The following CCDC144A variants were observed in gnomAD, a reference collection of about 807,000 sequenced individuals.
CCDC144A encodes the protein coiled-coil domain-containing protein 144A.
In CCDC144A, 41 loss-of-function variants were observed where a neutral mutation model predicts 143.8. The observed-to-expected ratio is 0.29, with a 90% confidence interval of 0.22 to 0.37. The LOEUF is 0.37. Among genes scored for constraint, CCDC144A ranks in the 10% least tolerant of loss-of-function variants. The pLI, the probability that CCDC144A is intolerant of heterozygous loss-of-function variation, is 1.00. For synonymous variants in CCDC144A, 242 were observed against 517.9 expected (o/e 0.47, Z 7.23); for missense variants, 637 against 1,488.8 (o/e 0.43, Z 9.41).
the CCDC144A span, among the ~76,000 whole-genome samples, chr17:16,677,015 A>G: frequency 6.6e-6 from 1 of 152,128 alleles, no homozygotes; most frequent in East Asian, 1.9e-4. Context: ...CCAGGAATAT[A>G]CATTGAAAAA....
chr17:16,761,386 C>CCTT (rs1915360477), intron 12 of CCDC144A, 39 bp from the exon 13 acceptor site: 1 of 1,575,292 alleles, frequency 6.3e-7, no homozygotes, highest in African/African-American at 1.4e-5. Context: ...TCTCAGTCTA[C>CCTT]CTTCTTCATT....
intron 8 of CCDC144A, among the ~76,000 whole-genome samples, chr17:16,723,588 C>T (rs1253728219): frequency 6.6e-6 from 1 of 152,130 alleles, no homozygotes; most frequent in Non-Finnish European, 1.5e-5. Context: ...GATCTAGGTG[C>T]TGGCAGATTT....
intron 12 of CCDC144A, among the ~76,000 whole-genome samples, chr17:16,743,687 C>T (rs1450291996): frequency 6.6e-6 from 1 of 152,000 alleles, no homozygotes; most frequent in Admixed American, 6.6e-5. Flanking sequence ...CTTATTCTTT[C>T]TCTTTCTTAA....
At chr17:16,705,509 C>G (rs1331052012) in intron 3 of CCDC144A, 110 bp downstream of exon 3, 1 of 747,526 alleles carries the variant, frequency 1.3e-6, no homozygotes, top group Admixed American at 2.7e-5. Context: ...TTTGTGTTTA[C>G]TCACCTTTTG....
chr17:16,672,625 G>A, the CCDC144A span, among the ~76,000 whole-genome samples: 2 of 152,016 alleles, frequency 1.3e-5, no homozygotes, highest in Non-Finnish European at 2.9e-5. Flanking sequence ...TATATTTAAT[G>A]AACACATCGA....
intron 15 of CCDC144A, among the ~76,000 whole-genome samples, chr17:16,768,661 T>G (rs1915705256): frequency 1.3e-5 from 2 of 152,258 alleles, no homozygotes; most frequent in Admixed American, 6.5e-5. Flanking sequence ...TTTTATAGTT[T>G]TATTGGCTCC....
At chr17:16,750,300 C>T (rs1302757201) in intron 12 of CCDC144A, among the ~76,000 whole-genome samples, 2 of 151,520 alleles carry the variant, frequency 1.3e-5, no homozygotes, top group African/African-American at 4.9e-5. Context: ...TAATGAATTT[C>T]TTTAGTGTTT....
At chr17:16,721,962 G>A (rs939401599) in intron 8 of CCDC144A, among the ~76,000 whole-genome samples, 1 of 152,132 alleles carries the variant, frequency 6.6e-6, no homozygotes, top group African/African-American at 2.4e-5. Flanking sequence ...TAACTGCACT[G>A]GCTTCAGTGC....
chr17:16,747,158 T>C (rs1422729281), intron 12 of CCDC144A, among the ~76,000 whole-genome samples: 1 of 152,124 alleles, frequency 6.6e-6, no homozygotes, highest in African/African-American at 2.4e-5. Context: ...ATTTATTGAA[T>C]AGGGAGTCCT....
At chr17:16,689,048 T>C (rs542944832), upstream of CCDC144A, among the ~76,000 whole-genome samples, 1 of 152,222 alleles carries the variant, frequency 6.6e-6, no homozygotes, top group Admixed American at 6.5e-5. Context: ...AGTGACAAAA[T>C]CTGTTTTTCA....
intron 2 of CCDC144A, chr17:16,695,554 C>G (rs1911349405): frequency 6.6e-6 from 1 of 152,160 alleles, no homozygotes. Flanking sequence ...GAGCTATGAT[C>G]ATGCCACTGC....
chr17:16,741,124 C>T (rs950961156), intron 12 of CCDC144A, among the ~76,000 whole-genome samples: 2 of 151,852 alleles, frequency 1.3e-5, no homozygotes, highest in Non-Finnish European at 2.9e-5. Context: ...TATTCTATTT[C>T]TTGTTGTCTC....
intron 15 of CCDC144A, among the ~76,000 whole-genome samples, chr17:16,768,648 A>T (rs908195184): frequency 1.3e-5 from 2 of 152,244 alleles, no homozygotes; most frequent in African/African-American, 4.8e-5. Flanking sequence ...TATCAGAAGT[A>T]CTTTTTATAG....
chr17:16,761,098 C>T (rs1410689684), intron 12 of CCDC144A, among the ~76,000 whole-genome samples: 3 of 151,022 alleles, frequency 2.0e-5, no homozygotes, highest in South Asian at 2.1e-4. Flanking sequence ...GAGGCCGAGG[C>T]GAGTGGATCA....
chr17:16,769,447 A>G (rs1409608897), intron 15 of CCDC144A, among the ~76,000 whole-genome samples: 2 of 152,290 alleles, frequency 1.3e-5, no homozygotes, highest in Non-Finnish European at 2.9e-5. Context: ...GGACAGGCGT[A>G]TGGTAGATGG....
chr17:16,758,913 G>T (rs1463115390), intron 12 of CCDC144A, among the ~76,000 whole-genome samples: 2 of 152,144 alleles, frequency 1.3e-5, no homozygotes, highest in Non-Finnish European at 1.5e-5. Context: ...TTTGAGATAA[G>T]CACTTCACCT....
At chr17:16,719,959 A>C (rs1912992629) in intron 6 of CCDC144A, among the ~76,000 whole-genome samples, 1 of 152,156 alleles carries the variant, frequency 6.6e-6, no homozygotes, top group Admixed American at 6.5e-5. Context: ...AATTCTTTGT[A>C]ATTAAATTAG....
At chr17:16,725,475 A>G (rs1479872468) in intron 8 of CCDC144A, among the ~76,000 whole-genome samples, 2 of 151,036 alleles carry the variant, frequency 1.3e-5, no homozygotes, top group Non-Finnish European at 3.0e-5. Context: ...ATCACAGTCC[A>G]TCTTCAAAAA....
intron 6 of CCDC144A, among the ~76,000 whole-genome samples, chr17:16,713,694 A>G (rs1474478384): frequency 2.6e-5 from 4 of 152,184 alleles, no homozygotes; most frequent in Non-Finnish European, 5.9e-5. Context: ...TAAGTTAATG[A>G]ATTTTTATTT....
Sources: gnomAD v4.1 joint callset for allele counts (sites outside exome capture counted in the v4.1 genomes callset) on GRCh38, gnomAD v4.1.1 for gene constraint, MANE v1.5 for transcripts, NCBI Gene and HGNC (gene_info 2026-07-23, HGNC 2026-07-21) for gene names.